PDZD2: variants seen among roughly 807,000 people sequenced by gnomAD.
PDZD2 encodes PDZ domain containing 2.
Under a neutral mutation model 220.7 loss-of-function variants are expected in PDZD2, and 90 were observed. The observed-to-expected ratio is 0.41, with a 90% CI of 0.34 to 0.49. The LOEUF is 0.49. Ranked by LOEUF, PDZD2 falls within the 20% of genes least tolerant of loss-of-function variation. The probability of loss-of-function intolerance (pLI) is 0.28; values close to 1 mark genes in which losing one functional copy is unlikely to be tolerated. For missense variants in PDZD2, 3,174 were observed against 3,608.5 expected (o/e 0.88, Z 3.08); for synonymous variants, 1,375 against 1,450.5 (o/e 0.95, Z 1.18).
rs567433034 is a variant in PDZD2 at position 31,784,117 on chromosome 5, C to T, written c.-360-14772C>T. Among the ~76,000 whole-genome samples, 18 of 152,230 alleles carry T rather than the reference C, an allele frequency of 1.2e-4. No homozygotes were observed. The East Asian group carries it at 2.1e-3, about 18-fold the overall frequency. On this transcript the variant is annotated intron_variant, in intron 1 of 24. Coordinates refer to ENST00000438447, the MANE Select transcript of PDZD2 (RefSeq NM_178140.4). The stretch of plus-strand genomic sequence containing the variant: ...GAGTGGAAAAAAGAACATGAAATCC[C>T]GGCTTTGCTTGTGACTTTAGTTCTG...
chr5:32,081,462 T>C (rs1741943594), intron 19 of PDZD2, among the ~76,000 whole-genome samples: 1 of 152,230 alleles, frequency 6.6e-6, no homozygotes, highest in African/African-American at 2.4e-5. Flanking sequence ...TCAGGATTGA[T>C]CGAGTTGCAG....
intron 1 of PDZD2, among the ~76,000 whole-genome samples, chr5:31,662,930 A>T (rs1580533126): frequency 1.3e-5 from 2 of 152,190 alleles, no homozygotes; most frequent in African/African-American, 4.8e-5. Flanking sequence ...TCACCTGGCC[A>T]AGGCCCCACC....
rs1745167277 is a variant in PDZD2 at position 32,109,528 on chromosome 5, A to AAT, written c.*1395_*1396dup. 6.6e-6 allele frequency: 1 copy of AAT among 151,096 alleles called. No homozygotes were observed. The highest frequency in any genetic ancestry group is 2.1e-4 in the South Asian group (1 of 4,824). 9.4% of individuals were successfully genotyped at this position (151,096 alleles called of 1,614,324 possible). A position where few individuals can be genotyped will look rare whatever the true frequency, so the allele number is the denominator to read the frequency against. On this transcript the variant is annotated 3_prime_UTR_variant, in exon 25 of 25. Transcript: ENST00000438447. ...ATGATGTACCTTATTTTCTTAGGTA[A>AAT]ATAATTCCAAACTCTCATCGGGTCA...
intron 2 of PDZD2, among the ~76,000 whole-genome samples, chr5:31,982,450 G>A (rs1396436809): frequency 1.3e-5 from 2 of 152,164 alleles, no homozygotes; most frequent in African/African-American, 4.8e-5. Context: ...TGGGATTACA[G>A]GCAGGGACCA....
chr5:32,072,404 T>C, intron 17 of PDZD2, 87 bp downstream of exon 17: 1 of 1,055,184 alleles, frequency 9.5e-7, no homozygotes, highest in Non-Finnish European at 1.4e-6. Flanking sequence ...GCTACAATGG[T>C]TTAGCTACCC....
rs1023578199 is a variant in PDZD2 at position 32,077,824 on chromosome 5, G to T, written c.3682+218G>T. On this transcript the variant is annotated intron_variant, in intron 19 of 24. Transcript: ENST00000438447. ...ATACAAAAATTAGCCGGGCGTGGTG[G>T]TGCGCACCTTTAATCCCAGCTACTT... 52 of 448,672 alleles carry T rather than the reference G, an allele frequency of 1.2e-4. No homozygotes were observed. The Admixed American group carries it at 1.7e-3, about 14-fold the overall frequency. The allele number at this position is 448,672 out of a possible 1,614,324, so 27.8% of individuals were successfully genotyped here.
intron 1 of PDZD2, among the ~76,000 whole-genome samples, chr5:31,668,536 T>C (rs1746091453): frequency 6.6e-6 from 1 of 152,254 alleles, no homozygotes; most frequent in East Asian, 1.9e-4. Flanking sequence ...CCTTGTGTTT[T>C]TCATGACATA....
chr5:31,917,774 G>C (rs539401816), intron 2 of PDZD2, among the ~76,000 whole-genome samples: 1 of 151,984 alleles, frequency 6.6e-6, no homozygotes, highest in Non-Finnish European at 1.5e-5. Context: ...CAGAGTCTTC[G>C]CTCTGTCGCC....
intron 1 of PDZD2, among the ~76,000 whole-genome samples, chr5:31,649,764 C>T (rs950508081): frequency 2.0e-5 from 3 of 151,512 alleles, no homozygotes; most frequent in South Asian, 2.1e-4. Flanking sequence ...ATGGTGAAAC[C>T]GCGTCTCTAC....
chr5:31,650,480 G>A (rs552112532), intron 1 of PDZD2, among the ~76,000 whole-genome samples: 15 of 151,888 alleles, frequency 9.9e-5, no homozygotes, highest in South Asian at 6.3e-4. Flanking sequence ...TCATTTTCCC[G>A]CTCATAAACC....
Position 32,089,701 on chromosome 5 carries a change from G to T in PDZD2, c.6253G>T (p.Glu2085Ter). The change falls in exon 20 of 25, where the codon GAA becomes TAA. Residue 2085 changes from glutamate to a stop codon, truncating the protein, a stop_gained. Coordinates refer to ENST00000438447, the MANE Select transcript of PDZD2 (RefSeq NM_178140.4). LOFTEE classifies it high-confidence loss of function. ...GGNIMASDRLERTNQLKIVEI... is the reference protein window; with the variant it reads ...GGNIMASDRL ...CAACATAATGGCCAGCGATCGCCTC[G>T]AAAGAACAAACCAGCTGAAAATCGT... The T allele has an allele frequency of 6.2e-7, 1 of 1,614,184 alleles. No homozygotes were observed. Among genetic ancestry groups the T allele is most frequent in the Non-Finnish European group, 8.5e-7 (1 of 1,180,044 alleles).
At chr5:31,898,962 G>A (rs1219823463) in intron 2 of PDZD2, among the ~76,000 whole-genome samples, 1 of 151,432 alleles carries the variant, frequency 6.6e-6, no homozygotes, top group Non-Finnish European at 1.5e-5. Context: ...CGAGTAGCTG[G>A]GACTATAGGC....
intron 2 of PDZD2, among the ~76,000 whole-genome samples, chr5:31,980,024 C>A (rs547658412): frequency 3.9e-5 from 6 of 152,278 alleles, no homozygotes; most frequent in African/African-American, 1.4e-4. Flanking sequence ...AAAATTTGCC[C>A]AATAATACTA....
At chr5:31,952,457 A>G (rs988821402) in intron 2 of PDZD2, among the ~76,000 whole-genome samples, 3 of 152,242 alleles carry the variant, frequency 2.0e-5, no homozygotes, top group African/African-American at 7.2e-5. Context: ...TTAAAGATTC[A>G]AAAGTGACCA....
intron 6 of PDZD2, among the ~76,000 whole-genome samples, chr5:32,034,674 C>T (rs998712531): frequency 4.6e-5 from 7 of 152,094 alleles, no homozygotes; most frequent in African/African-American, 1.7e-4. Context: ...GAATTTAACT[C>T]ACTCTCTGGT....
chr5:32,045,081 G>A lies in PDZD2; in HGVS notation c.1520-3458G>A, dbSNP rs116324436. The stretch of plus-strand genomic sequence containing the variant: ...TGCTACTGTATGTGGTTTCTCTTCT[G>A]TTGATGACAAGTGCCTCCCTGTCAG... On this transcript the variant is annotated intron_variant, in intron 7 of 24. Transcript: ENST00000438447. Among the ~76,000 whole-genome samples, 523 of 152,320 alleles carry A rather than the reference G, an allele frequency of 3.4e-3. 1 individual carries two copies. Among genetic ancestry groups the A allele is most frequent in the African/African-American group, 0.012 (499 of 41,570 alleles).
At chr5:32,082,336 T>A (rs565157625) in intron 19 of PDZD2, among the ~76,000 whole-genome samples, 1 of 152,126 alleles carries the variant, frequency 6.6e-6, no homozygotes, top group South Asian at 2.1e-4. Flanking sequence ...CATATCTTTT[T>A]TAAAACTGAA....
intron 2 of PDZD2, among the ~76,000 whole-genome samples, chr5:31,820,250 C>T (rs1692571426): frequency 1.3e-5 from 2 of 152,198 alleles, no homozygotes; most frequent in Non-Finnish European, 2.9e-5. Flanking sequence ...CATCCCACTC[C>T]TCAGCCCAAG....
chr5:31,742,816 A>G (rs1750350101), intron 1 of PDZD2, among the ~76,000 whole-genome samples: 1 of 152,184 alleles, frequency 6.6e-6, no homozygotes, highest in Non-Finnish European at 1.5e-5. Flanking sequence ...CTGGTACACA[A>G]AGGGCTTTGA....
Sources: allele counts gnomAD v4.1 joint callset (sites outside exome capture counted in the v4.1 genomes callset), GRCh38; gene constraint gnomAD v4.1.1; transcripts MANE v1.5; gene names NCBI Gene and HGNC (gene_info 2026-07-23, HGNC 2026-07-21).